Variants in SSBP4 observed in about 807,000 individuals in gnomAD.
The protein encoded by SSBP4 is single stranded DNA binding protein 4, also known as single-stranded DNA-binding protein 4.
Under a neutral mutation model 64.6 loss-of-function variants are expected in SSBP4, and 33 were observed. The observed-to-expected ratio is 0.51, with a 90% CI of 0.39 to 0.68. SSBP4 has a LOEUF of 0.68. Among genes scored for constraint, SSBP4 ranks in the 30% least tolerant of loss-of-function variants. SSBP4 has a pLI of 0.00. For missense variants in SSBP4, 583 were observed against 566.8 expected (o/e 1.03, Z -0.29); for synonymous variants, 243 against 224.0 (o/e 1.08, Z -0.76).
chr19:18,431,733 G>A (rs1973401127), intron 7 of SSBP4, 27 bp downstream of exon 7: 1 of 1,543,576 alleles, frequency 6.5e-7, no homozygotes, highest in Non-Finnish European at 8.8e-7. Context: ...GGGAGGGCGG[G>A]CAGGAGCTGG....
rs373394588 is a variant in SSBP4, at chr19:18,433,565, G to C, written c.992-20G>C. 2 of 1,545,132 alleles carry C rather than the reference G, an allele frequency of 1.3e-6. No homozygotes were observed. Among genetic ancestry groups the C allele is most frequent in the African/African-American group, 1.4e-5 (1 of 72,116 alleles). ...CGCCAGCACGTCTGAGCCGGTGCCC[G>C]TGTCTGTCCGTGTCTGTAGGCTCGG... is the stretch of plus-strand genomic sequence containing the variant. On this transcript the variant is annotated intron_variant, in intron 15 of 17. Coordinates refer to ENST00000270061, the MANE Select transcript of SSBP4 (RefSeq NM_032627.5).
chr19:18,410,710 G>A, the SSBP4 span, among the ~76,000 whole-genome samples: 1 of 151,894 alleles, frequency 6.6e-6, no homozygotes, highest in African/African-American at 2.4e-5. Flanking sequence ...CTTAGCTCAG[G>A]GAGGCCTCAA....
rs1973576624 is a variant in SSBP4 at position 18,433,005 on chromosome 19, A to C, written c.874A>C (p.Ile292Leu). 1.2e-6 allele frequency: 2 copies of C among 1,614,106 alleles called. No homozygotes were observed. The highest frequency in any genetic ancestry group is 1.7e-6 in the Non-Finnish European group (2 of 1,180,016). ...STNSSENMYT[I>L]MNPIGQGAGR... ...CAACTCCAGCGAAAACATGTACACT[A>C]TCATGAACCCCATCGGGCAGGGCGC... The change falls in exon 14 of 18, where the codon ATC becomes CTC. Residue 292 changes from isoleucine to leucine, a missense_variant. By Grantham distance (5) the Ile-to-Leu change is conservative. Transcript: ENST00000270061.
At chr19:18,406,525 G>A in the SSBP4 span, among the ~76,000 whole-genome samples, 2 of 151,986 alleles carry the variant, frequency 1.3e-5, no homozygotes, top group Non-Finnish European at 2.9e-5. Flanking sequence ...GTGTGCGCCT[G>A]TAGTCCCAGC....
At chr19:18,422,368 C>T (rs1283742982) in intron 1 of SSBP4, among the ~76,000 whole-genome samples, 1 of 152,162 alleles carries the variant, frequency 6.6e-6, no homozygotes, top group African/African-American at 2.4e-5. Flanking sequence ...TCAAGGCTCT[C>T]GGAAGTCCCT....
chr19:18,427,825 G>T lies in SSBP4; in HGVS notation c.194+12G>T. On this transcript the variant is annotated intron_variant, in intron 3 of 17. Coordinates refer to ENST00000270061, the MANE Select transcript of SSBP4 (RefSeq NM_032627.5). The surrounding 1 kb of genome is among the most constrained non-coding windows in gnomAD (Gnocchi z 4.4). ...CACTCCTGGTGGTGGTACGGGCTGG[G>T]CTGCTGTGGGTGGGCTGTGGAAGGG... 1 of 1,612,528 alleles carries T rather than the reference G, an allele frequency of 6.2e-7. No homozygotes were observed. Among genetic ancestry groups the T allele is most frequent in the Non-Finnish European group, 8.5e-7 (1 of 1,178,766 alleles).
upstream of SSBP4, among the ~76,000 whole-genome samples, chr19:18,415,009 C>A (rs997496272): frequency 6.6e-6 from 1 of 152,156 alleles, no homozygotes; most frequent in Non-Finnish European, 1.5e-5. Flanking sequence ...CTGAACACCC[C>A]TCTGCCCATG....
At position 18,431,361 on chromosome 19, in the gene SSBP4, C is replaced by T. The variant is rs1162583519; in HGVS notation, c.378C>T (p.Pro126=). 8 of 1,068,594 alleles carry T rather than the reference C, an allele frequency of 7.5e-6. No homozygotes were observed. The highest frequency in any genetic ancestry group is 2.4e-4 in the Middle Eastern group (1 of 4,158). 66.2% of individuals were successfully genotyped at this position (1,068,594 alleles called of 1,614,324 possible). Residue 126 remains proline (P), a synonymous_variant, in exon 6 of 18, where the codon CCC becomes CCT. Coordinates refer to ENST00000270061, the MANE Select transcript of SSBP4 (RefSeq NM_032627.5). ...SMAAGFFQGP[P]GSQPSPHNPN... is the part of the protein sequence containing the mutation. ...TGGTTCTGTCCTCCTAGGGCCCCCC[C>T]GGCTCCCAGCCGTCCCCCCACAACC...
the SSBP4 span, among the ~76,000 whole-genome samples, chr19:18,413,280 C>G: frequency 1.1e-4 from 17 of 151,760 alleles, no homozygotes; most frequent in Non-Finnish European, 2.2e-4. Flanking sequence ...ACAATCTCAG[C>G]TCACGGCAAC....
At chr19:18,413,156 T>TG in the SSBP4 span, among the ~76,000 whole-genome samples, 9 of 149,256 alleles carry the variant, frequency 6.0e-5, no homozygotes, top group African/African-American at 2.0e-4. Context: ...GGTTTTTTTT[T>TG]TTTTTTTTTT....
Position 18,431,984 on chromosome 19 carries a change from T to C in SSBP4, c.566-16T>C, listed in dbSNP as rs1478400279. 2 of 1,551,368 alleles carry C rather than the reference T, an allele frequency of 1.3e-6. No homozygotes were observed. The highest frequency in any genetic ancestry group is 1.7e-6 in the Non-Finnish European group (2 of 1,143,720). ...ATGGTCCAGGTCCAAGTCCCCTTCC[T>C]TCTGCCCCACCCCAGGGCATCCGAG... is the stretch of plus-strand genomic sequence containing the variant. On this transcript the variant is annotated splice_polypyrimidine_tract_variant and intron_variant, in intron 8 of 17. Coordinates refer to ENST00000270061, the MANE Select transcript of SSBP4 (RefSeq NM_032627.5).
At chr19:18,412,702 T>C in the SSBP4 span, among the ~76,000 whole-genome samples, 5 of 151,894 alleles carry the variant, frequency 3.3e-5, no homozygotes, top group Non-Finnish European at 5.9e-5. Flanking sequence ...ATCTGTAACA[T>C]GGGGAGAAGA....
intron 9 of SSBP4, 28 bp downstream of exon 9, chr19:18,432,098 C>T (rs759624013): frequency 2.5e-6 from 4 of 1,603,060 alleles, no homozygotes; most frequent in Non-Finnish European, 3.4e-6. Flanking sequence ...GTGGGTGGGG[C>T]CTTCGGGCTG....
the SSBP4 span, among the ~76,000 whole-genome samples, chr19:18,412,415 C>G: frequency 7.1e-6 from 1 of 140,864 alleles, no homozygotes; most frequent in African/African-American, 2.7e-5. Context: ...GAGTCGAGAT[C>G]GCACCACGGC....
At position 18,419,507 on chromosome 19, in the gene SSBP4, C is replaced by T; in HGVS notation, c.-142C>T. On this transcript the variant is annotated 5_prime_UTR_variant, in exon 1 of 18. Transcript: ENST00000270061. ...CCGCCGCCGCGGCCGTCTGGAGCTC[C>T]CCCGCGCGGACGATGCCTGCCGTGC... 1 of 1,108,398 alleles carries T rather than the reference C, an allele frequency of 9.0e-7. No individual in the cohort carries two copies. Among genetic ancestry groups the T allele is most frequent in the Non-Finnish European group, 1.1e-6 (1 of 908,750 alleles). 68.7% of individuals were successfully genotyped at this position (1,108,398 alleles called of 1,614,324 possible). A position where few individuals can be genotyped will look rare whatever the true frequency, so the allele number is the denominator to read the frequency against.
intron 17 of SSBP4, 118 bp from the exon 18 acceptor site, chr19:18,434,099 A>ACC: frequency 4.2e-6 from 5 of 1,195,344 alleles, no homozygotes; most frequent in Non-Finnish European, 5.2e-6. Context: ...TCCTGTCCCC[A>ACC]CCCCATGTCT....
At chr19:18,421,193 T>A (rs1443212575) in intron 1 of SSBP4, among the ~76,000 whole-genome samples, 2 of 152,224 alleles carry the variant, frequency 1.3e-5, no homozygotes, top group Non-Finnish European at 1.5e-5. Context: ...CTCTGGGTCA[T>A]TTTGGAGAAG....
upstream of SSBP4, among the ~76,000 whole-genome samples, chr19:18,418,436 G>T (rs370904186): frequency 1.5e-4 from 23 of 152,300 alleles, no homozygotes; most frequent in African/African-American, 5.5e-4. The surrounding 1 kb of genome is among the most constrained non-coding windows in gnomAD (Gnocchi z 6.7). Context: ...GTGGGGGGAT[G>T]AAGGGCCCTA....
chr19:18,420,856 AAAAAAAC>A (rs1279324385), intron 1 of SSBP4, among the ~76,000 whole-genome samples: 4 of 151,958 alleles, frequency 2.6e-5, no homozygotes, highest in East Asian at 1.9e-4. Flanking sequence ...ATCTCAAAAA[AAAAAAAC>A]AAAAAACAAA....
Sources: gnomAD v4.1 joint callset for allele counts (sites outside exome capture counted in the v4.1 genomes callset) on GRCh38, gnomAD v4.1.1 for gene constraint, Gnocchi (gnomAD v3.1) non-coding constraint, MANE v1.5 for transcripts, NCBI Gene and HGNC (gene_info 2026-07-23, HGNC 2026-07-21) for gene names.